Variants in SUGCT observed in about 807,000 individuals in gnomAD.
SUGCT encodes succinyl-CoA:glutarate-CoA transferase, also known as succinyl-CoA:glutarate CoA-transferase.
SUGCT carries 41 observed loss-of-function variants against 55.0 expected under a neutral mutation model. That is an observed-to-expected ratio of 0.74 (90% confidence interval 0.58 to 0.97). The LOEUF (loss-of-function observed/expected upper bound fraction) is 0.97, where lower values mean the gene tolerates loss of function less well. Among genes scored for constraint, SUGCT ranks in the 50% least tolerant of loss-of-function variants. The pLI is 0.00. For synonymous variants in SUGCT, 187 were observed against 200.4 expected (o/e 0.93, Z 0.56); for missense variants, 568 against 547.8 (o/e 1.04, Z -0.37).
the SUGCT span, among the ~76,000 whole-genome samples, chr7:40,975,713 T>C: frequency 1.3e-5 from 2 of 152,188 alleles, no homozygotes; most frequent in African/African-American, 4.8e-5. Flanking sequence ...GTTCTACCTA[T>C]ATTTTCTTGG....
chr7:40,467,966 CTTTT>C (rs79872831), intron 11 of SUGCT, among the ~76,000 whole-genome samples: 1 of 124,358 alleles, frequency 8.0e-6, no homozygotes, highest in African/African-American at 2.9e-5. Context: ...TACTCATTTT[CTTTT>C]TTTTTTTTTT....
intron 1 of SUGCT, among the ~76,000 whole-genome samples, chr7:40,156,509 G>A (rs1241714501): frequency 2.6e-5 from 4 of 152,134 alleles, no homozygotes; most frequent in Middle Eastern, 3.4e-3. Flanking sequence ...AACTACACTT[G>A]GAAGCCCAAT....
chr7:40,948,459 T>C, the SUGCT span, among the ~76,000 whole-genome samples: 2 of 151,870 alleles, frequency 1.3e-5, no homozygotes, highest in East Asian at 1.9e-4. Context: ...ATGATGATGA[T>C]GATGATGATG....
At chr7:40,739,678 A>G (rs756563115) in intron 12 of SUGCT, among the ~76,000 whole-genome samples, 1 of 151,986 alleles carries the variant, frequency 6.6e-6, no homozygotes, top group Admixed American at 6.6e-5. Flanking sequence ...TACTTCCTCT[A>G]TTGCATTTGT....
rs961842688 is a variant in SUGCT at position 40,194,953 on chromosome 7, G to T, written c.377G>T (p.Cys126Phe). The T allele has an allele frequency of 6.2e-7, 1 of 1,613,548 alleles. No individual in the cohort carries two copies. Among genetic ancestry groups the T allele is most frequent in the Non-Finnish European group, 8.5e-7 (1 of 1,179,748 alleles). ...VKIIKELAAV[C>F]DVFVENYVPG... is the part of the protein sequence containing the mutation. ...CTCTTCCATCAGCTTGCAGCTGTTT[G>T]TGATGTGTTTGTGGAAAACTATGTC... Residue 126 changes from cysteine to phenylalanine, a missense_variant, in exon 6 of 14, where the codon TGT (cysteine) becomes TTT (phenylalanine). Coordinates refer to ENST00000335693, the MANE Select transcript of SUGCT (RefSeq NM_001193313.2).
intron 12 of SUGCT, among the ~76,000 whole-genome samples, chr7:40,714,533 G>A (rs1388380602): frequency 1.3e-5 from 2 of 152,130 alleles, no homozygotes; most frequent in African/African-American, 4.8e-5. Context: ...TCAGAGCAGA[G>A]CCTCTCTCCA....
At chr7:40,944,051 T>C in the SUGCT span, among the ~76,000 whole-genome samples, 1 of 152,084 alleles carries the variant, frequency 6.6e-6, no homozygotes, top group African/African-American at 2.4e-5. Context: ...CATTTTTTCA[T>C]GTGTCTTTTG....
intron 9 of SUGCT, among the ~76,000 whole-genome samples, chr7:40,392,553 T>C (rs951666832): frequency 6.6e-6 from 1 of 152,104 alleles, no homozygotes; most frequent in Non-Finnish European, 1.5e-5. Flanking sequence ...GTTTGCATGA[T>C]GCAGCAAAAG....
At position 40,338,315 on chromosome 7, in the gene SUGCT, T is replaced by G. The variant is rs972836476; in HGVS notation, c.816+21460T>G. 7.9e-5 allele frequency among the ~76,000 whole-genome samples: 12 copies of G among 152,334 alleles called. No individual in the cohort carries two copies. In the East Asian group the frequency reaches 1.2e-3, roughly 15 times the overall value. On this transcript the variant is annotated intron_variant, in intron 9 of 13. Transcript: ENST00000335693. ...GGCCTGCCTTGCTAGGTTGGGGAAA[T>G]TCTCCTGGATAATATCCTGCAGAGT...
chr7:40,498,685 A>C (rs1316528647), intron 12 of SUGCT, among the ~76,000 whole-genome samples: 2 of 152,198 alleles, frequency 1.3e-5, no homozygotes, highest in Non-Finnish European at 2.9e-5. Context: ...ATAGCATCTG[A>C]GATACTGTTT....
chr7:40,872,353 T>G, the SUGCT span, among the ~76,000 whole-genome samples: 1 of 152,220 alleles, frequency 6.6e-6, no homozygotes, highest in Non-Finnish European at 1.5e-5. Flanking sequence ...TCTGACTTCT[T>G]GTGAAATTCT....
At chr7:40,990,953 C>T in the SUGCT span, among the ~76,000 whole-genome samples, 1 of 152,194 alleles carries the variant, frequency 6.6e-6, no homozygotes, top group African/African-American at 2.4e-5. Context: ...CTGTCCAGGC[C>T]ACTCATACTT....
At chr7:40,732,981 A>G (rs1333159676) in intron 12 of SUGCT, among the ~76,000 whole-genome samples, 2 of 152,190 alleles carry the variant, frequency 1.3e-5, no homozygotes, top group African/African-American at 4.8e-5. Flanking sequence ...AGGCTGAGGC[A>G]GGAGAATCAC....
At chr7:40,930,060 C>T in the SUGCT span, among the ~76,000 whole-genome samples, 1 of 152,158 alleles carries the variant, frequency 6.6e-6, no homozygotes, top group South Asian at 2.1e-4. Context: ...TTAGGTCTAA[C>T]ATTTAAGTCT....
At chr7:40,962,081 A>C in the SUGCT span, among the ~76,000 whole-genome samples, 1 of 151,996 alleles carries the variant, frequency 6.6e-6, no homozygotes, top group South Asian at 2.1e-4. Context: ...TGATTGGTCC[A>C]TTTTACAGAG....
At chr7:40,913,093 C>T in the SUGCT span, among the ~76,000 whole-genome samples, 1 of 150,138 alleles carries the variant, frequency 6.7e-6, no homozygotes, top group East Asian at 2.0e-4. Context: ...TCACTGCAAC[C>T]TCTGCCTCCC....
intron 12 of SUGCT, among the ~76,000 whole-genome samples, chr7:40,735,670 A>G (rs1414725934): frequency 6.6e-6 from 1 of 152,184 alleles, no homozygotes; most frequent in Non-Finnish European, 1.5e-5. Flanking sequence ...TCCAAAAGTC[A>G]GCAATGTCAG....
chr7:40,337,370 T>C (rs1302948506), intron 9 of SUGCT, among the ~76,000 whole-genome samples: 4 of 152,194 alleles, frequency 2.6e-5, no homozygotes, highest in African/African-American at 7.2e-5. Flanking sequence ...CCATTATTAT[T>C]GTGTGGGAGT....
At position 40,362,061 on chromosome 7, in the gene SUGCT, A is replaced by C. The variant is rs111326413; in HGVS notation, c.816+45206A>C. Among the ~76,000 whole-genome samples, 1,353 of 152,146 alleles carry C rather than the reference A, an allele frequency of 8.9e-3. 9 individuals carry two copies. Among genetic ancestry groups the C allele is most frequent in the Middle Eastern group, 0.017 (5 of 294 alleles). ...ATACACGTAGGCTGCCAAGGAGTTC[A>C]AGGAAAGAAAACTCTTTAGAACATC... On this transcript the variant is annotated intron_variant, in intron 9 of 13. Coordinates refer to ENST00000335693, the MANE Select transcript of SUGCT (RefSeq NM_001193313.2).
Sources: allele counts gnomAD v4.1 joint callset (sites outside exome capture counted in the v4.1 genomes callset), GRCh38; gene constraint gnomAD v4.1.1; transcripts MANE v1.5; gene names NCBI Gene and HGNC (gene_info 2026-07-23, HGNC 2026-07-21).